Variants in OSBP2 observed in about 807,000 individuals in gnomAD.
OSBP2 encodes the protein oxysterol-binding protein 2.
Under a neutral mutation model 96.0 loss-of-function variants are expected in OSBP2, and 66 were observed. That is an observed-to-expected ratio of 0.69 (90% CI 0.56 to 0.84). The LOEUF is 0.84. OSBP2 is among the 40% of genes least tolerant of loss of function. The probability of loss-of-function intolerance (pLI) is 0.00; values close to 1 mark genes in which losing one functional copy is unlikely to be tolerated. For missense variants in OSBP2, 1,038 were observed against 1,222.7 expected, an observed-to-expected ratio of 0.85 and a Z score of 2.25; for synonymous variants, 525 against 520.9, an observed-to-expected ratio of 1.01 and a Z score of -0.11.
At chr22:30,867,181 C>G (rs2039357111) in intron 2 of OSBP2, among the ~76,000 whole-genome samples, 1 of 152,214 alleles carries the variant, frequency 6.6e-6, no homozygotes, top group Admixed American at 6.5e-5. Context: ...CCACCCCTTC[C>G]TGGCCTCTCT....
At chr22:30,854,081 T>C (rs887072038) in intron 2 of OSBP2, among the ~76,000 whole-genome samples, 1 of 151,962 alleles carries the variant, frequency 6.6e-6, no homozygotes, top group Non-Finnish European at 1.5e-5. Context: ...TCTTAGTGGT[T>C]GTTCTAGGGT....
chr22:30,740,715 G>C (rs1011714669), intron 1 of OSBP2, among the ~76,000 whole-genome samples: 1 of 152,096 alleles, frequency 6.6e-6, no homozygotes, highest in African/African-American at 2.4e-5. Context: ...GACCTCAAGT[G>C]ATCTGCCCTC....
At chr22:30,885,882 C>A (rs1341766463) in intron 3 of OSBP2, among the ~76,000 whole-genome samples, 1 of 152,204 alleles carries the variant, frequency 6.6e-6, no homozygotes. Flanking sequence ...CCGTGGGAGG[C>A]CAACCAAGGT....
chr22:30,712,557 A>T (rs1244673408), intron 1 of OSBP2, among the ~76,000 whole-genome samples: 2 of 152,224 alleles, frequency 1.3e-5, no homozygotes, highest in Non-Finnish European at 2.9e-5. Flanking sequence ...GATCAGGAAT[A>T]GAATATTGCA....
intron 2 of OSBP2, among the ~76,000 whole-genome samples, chr22:30,808,343 A>G (rs1156797527): frequency 6.6e-6 from 1 of 152,086 alleles, no homozygotes; most frequent in African/African-American, 2.4e-5. Context: ...TCTACAAAAA[A>G]TGAAAATAAC....
At position 30,695,318 on chromosome 22, in the gene OSBP2, C is replaced by T. The variant is rs79856312; in HGVS notation, c.409C>T (p.Leu137Phe). 16,133 of 1,613,538 alleles carry T rather than the reference C, an allele frequency of 1.0e-2. 104 individuals are homozygous for T. Among genetic ancestry groups the T allele is most frequent in the Non-Finnish European group, 0.012 (14,363 of 1,180,032 alleles). The part of the protein sequence containing the change: ...LSRAVGSATF[L>F]RPESGSLPAL... ...CCGGGCGGTGGGGAGCGCGACCTTT[C>T]TCAGACCCGAGTCAGGATCGCTGCC... is the stretch of plus-strand genomic sequence containing the variant. The change falls in exon 1 of 14, where the codon CTC (leucine) becomes TTC (phenylalanine). Residue 137 changes from leucine to phenylalanine, a missense_variant. By Grantham distance (22) the Leu-to-Phe change is conservative. Coordinates refer to ENST00000332585, the MANE Select transcript of OSBP2 (RefSeq NM_030758.4).
chr22:30,841,539 C>G (rs1443179527), intron 2 of OSBP2, among the ~76,000 whole-genome samples: 3 of 152,216 alleles, frequency 2.0e-5, no homozygotes, highest in Non-Finnish European at 2.9e-5. Flanking sequence ...GACGTAGATA[C>G]AGTCATACCT....
In OSBP2 at chr22:30,741,307, A is replaced by G. The variant is rs1293937846; in HGVS notation, c.791A>G (p.Gln264Arg). The change falls in exon 2 of 14, where the codon CAG (glutamine) becomes CGG (arginine). Residue 264 changes from glutamine (Q) to arginine (R), a missense_variant. Transcript: ENST00000332585. Reference sequence around the variant, plus strand: ...GCCAGCTCAGAGGTGGACCGGCAGCAGTGGATCACCGCCCTGGAGCTGGCC... The same window carrying G: ...GCCAGCTCAGAGGTGGACCGGCAGCGGTGGATCACCGCCCTGGAGCTGGCC... ...LKASSEVDRQ[Q>R]WITALELAKA... 1 of 1,613,776 alleles carries G rather than the reference A, an allele frequency of 6.2e-7. No individual in the cohort carries two copies.
At chr22:30,787,999 G>T (rs181321396) in intron 2 of OSBP2, among the ~76,000 whole-genome samples, 1 of 152,318 alleles carries the variant, frequency 6.6e-6, no homozygotes, top group East Asian at 1.9e-4. Flanking sequence ...AGTAGGCAGA[G>T]CCAAGCTCCA....
At chr22:30,821,231 GGA>G (rs1316915496) in intron 2 of OSBP2, among the ~76,000 whole-genome samples, 1 of 152,174 alleles carries the variant, frequency 6.6e-6, no homozygotes, top group Non-Finnish European at 1.5e-5. Context: ...CCTCTGAGTG[GGA>G]GAGTGTCAGC....
chr22:30,744,115 C>T (rs536170920), intron 2 of OSBP2, among the ~76,000 whole-genome samples: 4 of 152,280 alleles, frequency 2.6e-5, no homozygotes, highest in African/African-American at 4.8e-5. Context: ...AGCCTTCAGA[C>T]GGCTACTCTG....
rs753367837 is a variant in OSBP2 at position 30,889,608 on chromosome 22, G to A, written c.1595G>A (p.Gly532Asp). The change falls in exon 7 of 14, where the codon GGC (glycine) becomes GAC (aspartate). Residue 532 changes from glycine (G) to aspartate (D), a missense_variant. Gly to Asp is a moderately conservative substitution (Grantham distance 94). This residue lies in a region of OSBP2 where 737 missense variants were observed against 913.3 expected (regional missense o/e 0.81). Transcript: ENST00000332585. ...TGGAGCATCATGAAGAACTGCATCG[G>A]CCGGGAGCTCTCCAGGATCCCCATG... ...NLWSIMKNCI[G>D]RELSRIPMPV... 6.2e-7 allele frequency: 1 copy of A among 1,613,968 alleles called. No homozygotes were observed. Among genetic ancestry groups the A allele is most frequent in the Non-Finnish European group, 8.5e-7 (1 of 1,180,004 alleles).
chr22:30,861,863 C>T (rs1294989896), intron 2 of OSBP2, among the ~76,000 whole-genome samples: 1 of 152,182 alleles, frequency 6.6e-6, no homozygotes, highest in African/African-American at 2.4e-5. Flanking sequence ...TTCAGGGGGG[C>T]TCAGGGTCCG....
rs576472083 is a variant in OSBP2 at position 30,783,162 on chromosome 22, C to A, written c.853+41793C>A. 4.8e-5 allele frequency among the ~76,000 whole-genome samples: 7 copies of A among 145,694 alleles called. 1 individual carries two copies. Among genetic ancestry groups the A allele is most frequent in the Non-Finnish European group, 9.0e-5 (6 of 66,954 alleles). On this transcript the variant is annotated intron_variant, in intron 2 of 13. Coordinates refer to ENST00000332585, the MANE Select transcript of OSBP2 (RefSeq NM_030758.4). ...GCCCAGGAACCTGTGTGCATATGGT[C>A]CTATTCATTGGTATCTCGGGGAATT...
intron 2 of OSBP2, among the ~76,000 whole-genome samples, chr22:30,843,451 T>A (rs1075337): frequency 2.1e-4 from 24 of 112,446 alleles, no homozygotes; most frequent in East Asian, 1.1e-3. Flanking sequence ...CTTTCCCCCC[T>A]CCCCCTTGAG....
intron 3 of OSBP2, among the ~76,000 whole-genome samples, chr22:30,880,055 A>C (rs900399660): frequency 6.6e-6 from 1 of 151,982 alleles, no homozygotes; most frequent in African/African-American, 2.4e-5. Flanking sequence ...GTCTCAAAAA[A>C]AAAAATAGGT....
In OSBP2 at chr22:30,870,599, A is replaced by T; in HGVS notation, c.1024A>T (p.Ile342Phe). The T allele has an allele frequency of 6.2e-7, 1 of 1,613,840 alleles. No homozygotes were observed. Among genetic ancestry groups the T allele is most frequent in the East Asian group, 2.2e-5 (1 of 44,844 alleles). Reference protein sequence around the residue: ...RSLTELDGLKIPSESGEKLKV... With the variant: ...RSLTELDGLKFPSESGEKLKV... ...CCTGACAGAGCTGGACGGCCTCAAG[A>T]TCCCATCTGAGAGTGGGGAGAAGCT... The change falls in exon 3 of 14, where the codon ATC (isoleucine) becomes TTC (phenylalanine). Residue 342 changes from isoleucine to phenylalanine, a missense_variant. Transcript: ENST00000332585. The surrounding 1 kb of genome is among the most constrained non-coding windows in gnomAD (Gnocchi z 4.1).
intron 2 of OSBP2, among the ~76,000 whole-genome samples, chr22:30,866,552 C>A (rs1217223075): frequency 2.0e-5 from 3 of 152,204 alleles, no homozygotes; most frequent in Non-Finnish European, 4.4e-5. Flanking sequence ...GCCTGGCCAA[C>A]ATAGTGAAAC....
Position 30,881,503 on chromosome 22 carries a change from C to T in OSBP2, c.1108-5923C>T, listed in dbSNP as rs547037678. Reference sequence around the variant, plus strand: ...CTCTCCTCCTGCTCACAGCTGAGCACGAGTCTCCTGGCCCCAGGTAGAGTT... The same window carrying T: ...CTCTCCTCCTGCTCACAGCTGAGCATGAGTCTCCTGGCCCCAGGTAGAGTT... On this transcript the variant is annotated intron_variant, in intron 3 of 13. Coordinates refer to ENST00000332585, the MANE Select transcript of OSBP2 (RefSeq NM_030758.4). This position sits in a 1 kb window ranked among gnomAD's most constrained non-coding sequence, Gnocchi z 4.5. Among the ~76,000 whole-genome samples the T allele has an allele frequency of 1.8e-3, 275 of 152,290 alleles. 1 individual carries two copies. The highest frequency in any genetic ancestry group is 5.9e-3 in the African/African-American group (247 of 41,564).
Sources: gnomAD v4.1 joint callset for allele counts (sites outside exome capture counted in the v4.1 genomes callset) on GRCh38, gnomAD v4.1.1 for gene constraint, gnomAD v4.1.1 regional missense constraint, Gnocchi (gnomAD v3.1) non-coding constraint, MANE v1.5 for transcripts, NCBI Gene and HGNC (gene_info 2026-07-23, HGNC 2026-07-21) for gene names.